Variants in HYDIN observed in about 807,000 individuals in gnomAD.
HYDIN encodes axonemal central pair apparatus protein HYDIN.
Under a neutral mutation model 403.9 loss-of-function variants are expected in HYDIN, and 132 were observed. The observed-to-expected ratio is 0.33, with a 90% CI of 0.28 to 0.38. The LOEUF (loss-of-function observed/expected upper bound fraction) is 0.38. Ranked by LOEUF, HYDIN falls within the 10% of genes least tolerant of loss-of-function variation. The pLI, the probability that HYDIN is intolerant of heterozygous loss-of-function variation, is 1.00. For synonymous variants in HYDIN, 1,202 were observed against 1,891.7 expected (o/e 0.64, Z 9.46); for missense variants, 2,827 against 5,009.5 (o/e 0.56, Z 13.15).
At chr16:71,066,073 G>A (rs2082254033) in intron 15 of HYDIN, among the ~76,000 whole-genome samples, 1 of 151,710 alleles carries the variant, frequency 6.6e-6, no homozygotes, top group Non-Finnish European at 1.5e-5. Context: ...CTTGACTTGG[G>A]TCACAGAATA....
intron 1 of HYDIN, among the ~76,000 whole-genome samples, chr16:71,203,099 G>A (rs1057368370): frequency 6.6e-6 from 1 of 152,204 alleles, no homozygotes; most frequent in African/African-American, 2.4e-5. Context: ...AAGTCCTTCT[G>A]TAGAGCAAAG....
At position 70,941,835 on chromosome 16, in the gene HYDIN, G is replaced by T. The variant is rs1042912171; in HGVS notation, c.6670-16C>A. On this transcript the variant is annotated splice_polypyrimidine_tract_variant and intron_variant, in intron 42 of 85. Coordinates refer to ENST00000393567, the MANE Select transcript of HYDIN (RefSeq NM_001270974.2). The stretch of plus-strand genomic sequence containing the variant: ...AGTCACTCAGCTGAAACCAGAGAGA[G>T]CAAAGACAGTTACTATGGCCACAAC... 4.8e-6 allele frequency: 7 copies of T among 1,458,028 alleles called. No homozygotes were observed. Among genetic ancestry groups the T allele is most frequent in the Non-Finnish European group, 6.4e-6 (7 of 1,098,308 alleles). 90.3% of individuals were successfully genotyped at this position (1,458,028 alleles called of 1,614,324 possible).
At chr16:70,938,445 T>G (rs1480689338) in intron 44 of HYDIN, among the ~76,000 whole-genome samples, 169 bp downstream of exon 44, 2 of 152,240 alleles carry the variant, frequency 1.3e-5, no homozygotes, top group East Asian at 3.9e-4. Context: ...GCCAGCACCC[T>G]TGATGGGCGG....
intron 18 of HYDIN, among the ~76,000 whole-genome samples, chr16:71,039,068 C>T (rs890568200): frequency 2.0e-5 from 3 of 152,068 alleles, no homozygotes; most frequent in Admixed American, 2.0e-4. Context: ...TGGTGTAGAG[C>T]TTTACACGGG....
At chr16:71,037,657 C>A (rs1266148005) in intron 18 of HYDIN, among the ~76,000 whole-genome samples, 1 of 151,958 alleles carries the variant, frequency 6.6e-6, no homozygotes, top group Admixed American at 6.6e-5. Context: ...CAAGGAACAG[C>A]GGCTCCAAAG....
At chr16:71,216,619 A>C (rs1453979026) in intron 1 of HYDIN, among the ~76,000 whole-genome samples, 1 of 152,228 alleles carries the variant, frequency 6.6e-6, no homozygotes, top group Non-Finnish European at 1.5e-5. Flanking sequence ...AATGTGTTTC[A>C]TACATTTACG....
intron 38 of HYDIN, 149 bp from the exon 39 acceptor site, chr16:70,959,969 A>T: frequency 1.5e-6 from 1 of 647,064 alleles, no homozygotes; most frequent in South Asian, 2.0e-5. Context: ...CCCCACTTGT[A>T]GTGTACGACT....
intron 85 of HYDIN, among the ~76,000 whole-genome samples, chr16:70,808,941 G>T (rs941525204): frequency 1.3e-5 from 2 of 152,208 alleles, no homozygotes; most frequent in Non-Finnish European, 2.9e-5. Flanking sequence ...AGAGGGCAGA[G>T]CATCGGGACA....
chr16:71,139,278 G>T lies in HYDIN; in HGVS notation c.842-1926C>A, dbSNP rs576882891. Among the ~76,000 whole-genome samples, 128 of 151,936 alleles carry T rather than the reference G, an allele frequency of 8.4e-4. 1 individual carries two copies. The highest frequency in any genetic ancestry group is 1.3e-3 in the Non-Finnish European group (86 of 67,928). On this transcript the variant is annotated intron_variant, in intron 7 of 85. Transcript: ENST00000393567. ...TTGGTGAAAGAAACTCAATTTTTTG[G>T]GGGGGGAAAGGTACTTGCATCCAAA...
intron 10 of HYDIN, among the ~76,000 whole-genome samples, chr16:71,108,597 T>C (rs2083702547): frequency 6.6e-6 from 1 of 152,048 alleles, no homozygotes; most frequent in Non-Finnish European, 1.5e-5. Context: ...ACTGCACAAA[T>C]GTATTATCTG....
chr16:70,941,586 G>A (rs753406246), intron 43 of HYDIN, 50 bp downstream of exon 43: 1 of 1,351,714 alleles, frequency 7.4e-7, no homozygotes, highest in Non-Finnish European at 9.9e-7. Flanking sequence ...CAACGGAATA[G>A]CAAATGTCAA....
At chr16:70,965,366 G>T (rs1444890653) in intron 36 of HYDIN, among the ~76,000 whole-genome samples, 1 of 151,516 alleles carries the variant, frequency 6.6e-6, no homozygotes, top group Non-Finnish European at 1.5e-5. Context: ...GTGCACATGT[G>T]TGTGAATGTG....
chr16:71,230,321 T>G (rs1280293959), intron 1 of HYDIN, among the ~76,000 whole-genome samples: 2 of 152,170 alleles, frequency 1.3e-5, no homozygotes, highest in African/African-American at 4.8e-5. Flanking sequence ...AGGCAGCACC[T>G]CAGGCCTTCT....
intron 58 of HYDIN, among the ~76,000 whole-genome samples, chr16:70,887,074 G>A (rs1365507745): frequency 1.3e-5 from 2 of 152,140 alleles, no homozygotes; most frequent in African/African-American, 4.8e-5. Context: ...ACAGATCCCT[G>A]AGCATCAATT....
At chr16:71,077,843 A>T (rs1430084550) in intron 13 of HYDIN, among the ~76,000 whole-genome samples, 1 of 151,624 alleles carries the variant, frequency 6.6e-6, no homozygotes, top group African/African-American at 2.4e-5. Flanking sequence ...TCTATTTTTC[A>T]TTCATCATAT....
In HYDIN at chr16:71,069,438, C is replaced by G. The variant is rs772820248; in HGVS notation, c.1803G>C (p.Leu601=). 9 of 1,613,878 alleles carry G rather than the reference C, an allele frequency of 5.6e-6. 2 individuals carry two copies. In the South Asian group the frequency reaches 6.6e-5, roughly 12 times the overall value. ...NTSLIPMTYK[L]RIPGDGLGHK... ...GGCCAAGGCCATCCCCAGGGATACG[C>G]AGTTTGTAAGTCATGGGGATCAAAG... Residue 601 remains leucine, a synonymous_variant, in exon 14 of 86, where the codon CTG becomes CTC. Coordinates refer to ENST00000393567, the MANE Select transcript of HYDIN (RefSeq NM_001270974.2).
chr16:70,950,472 G>T (rs1235405465), intron 41 of HYDIN, among the ~76,000 whole-genome samples: 2 of 151,600 alleles, frequency 1.3e-5, no homozygotes, highest in Non-Finnish European at 2.9e-5. Context: ...TGGCCAGGCT[G>T]GCCTTGAACT....
intron 43 of HYDIN, among the ~76,000 whole-genome samples, chr16:70,940,289 T>C (rs1326151222): frequency 2.6e-5 from 4 of 151,170 alleles, no homozygotes; most frequent in African/African-American, 9.7e-5. Flanking sequence ...CTCACCGTCA[T>C]CCTCGCAAGT....
At chr16:71,133,307 T>C (rs768451753) in intron 8 of HYDIN, 6 of 456,454 alleles carry the variant, frequency 1.3e-5, no homozygotes, top group Non-Finnish European at 2.6e-5. Flanking sequence ...ATGGATCATG[T>C]GACTCTAAAC....
Sources: gnomAD v4.1 joint callset for allele counts (sites outside exome capture counted in the v4.1 genomes callset) on GRCh38, gnomAD v4.1.1 for gene constraint, MANE v1.5 for transcripts, NCBI Gene and HGNC (gene_info 2026-07-23, HGNC 2026-07-21) for gene names.